The following INPP1 variants were observed in gnomAD, a reference collection of about 807,000 sequenced individuals.
The protein encoded by INPP1 is inositol polyphosphate 1-phosphatase.
Under a neutral mutation model 23.0 loss-of-function variants are expected in INPP1, and 18 were observed. The ratio of observed to expected loss-of-function variants is 0.78; its 90% confidence interval spans 0.54 to 1.16. INPP1 has a LOEUF of 1.16. Among genes scored for constraint, INPP1 ranks in the 50% most tolerant of loss-of-function variants. The pLI is 0.00. For synonymous variants in INPP1, 164 were observed against 176.3 expected, an observed-to-expected ratio of 0.93 and a Z score of 0.55; for missense variants, 448 against 482.1, an observed-to-expected ratio of 0.93 and a Z score of 0.66.
At chr2:190,357,394 A>G (rs868437299) in intron 2 of INPP1, among the ~76,000 whole-genome samples, 1 of 152,228 alleles carries the variant, frequency 6.6e-6, no homozygotes, top group African/African-American at 2.4e-5. Flanking sequence ...AGTTATAACT[A>G]CCATTAAAAC....
Position 190,368,451 on chromosome 2 carries a change from G to A in INPP1, c.467-652G>A, listed in dbSNP as rs866007526. 7.8e-3 allele frequency among the ~76,000 whole-genome samples: 1,193 copies of A among 152,172 alleles called. 18 individuals carry two copies. The highest frequency in any genetic ancestry group is 0.027 in the African/African-American group (1,111 of 41,484). The stretch of plus-strand genomic sequence containing the variant: ...ATATTACCTGTGACCTATTACAGGA[G>A]GGGGGCTTTTCTTTTTTTCTTTTCC... On this transcript the variant is annotated intron_variant, in intron 5 of 6. Coordinates refer to ENST00000392329, the MANE Select transcript of INPP1 (RefSeq NM_001128928.2). This position sits in a 1 kb window ranked among gnomAD's most constrained non-coding sequence, Gnocchi z 4.3.
At position 190,366,797 on chromosome 2, in the gene INPP1, G is replaced by C. The variant is rs531380132; in HGVS notation, c.368G>C (p.Arg123Thr). 20 of 1,613,478 alleles carry C rather than the reference G, an allele frequency of 1.2e-5. No homozygotes were observed. The South Asian group carries it at 1.9e-4, about 15-fold the overall frequency. Residue 123 changes from arginine to threonine, a missense_variant, in exon 5 of 7, where the codon AGG (arginine) becomes ACG (threonine). Coordinates refer to ENST00000392329, the MANE Select transcript of INPP1 (RefSeq NM_001128928.2). ...GNKVASEALA[R>T]VVHQDVAFTD... ...AAGGTGGCATCTGAAGCATTAGCCA[G>C]GGTTGTTCATCAGGATGTTGCCTTT...
At position 190,343,830 on chromosome 2, in the gene INPP1, G is replaced by A. The variant is rs1689161409; in HGVS notation, c.-340G>A. ...CAACCCTCGTCCTCTGGCCGCGCCT[G>A]CGGCCGCACGCCCAGCGCCCCTCGC... On this transcript the variant is annotated 5_prime_UTR_variant, in exon 1 of 7. Coordinates refer to ENST00000392329, the MANE Select transcript of INPP1 (RefSeq NM_001128928.2). 6.2e-6 allele frequency: 1 copy of A among 161,700 alleles called. No homozygotes were observed. The highest frequency in any genetic ancestry group is 2.4e-5 in the African/African-American group (1 of 41,512). The allele number at this position is 161,700 out of a possible 1,614,324, so 10.0% of individuals were successfully genotyped here. A position where few individuals can be genotyped will look rare whatever the true frequency, so the allele number is the denominator to read the frequency against.
intron 2 of INPP1, among the ~76,000 whole-genome samples, chr2:190,349,943 C>G (rs1689295661): frequency 6.6e-6 from 1 of 152,228 alleles, no homozygotes; most frequent in African/African-American, 2.4e-5. Flanking sequence ...CTCCCAGGCT[C>G]AAGTGATTCT....
rs556557743 is a variant in INPP1 at position 190,352,985 on chromosome 2, C to T, written c.-65+3954C>T. Among the ~76,000 whole-genome samples, 7 of 152,206 alleles carry T rather than the reference C, an allele frequency of 4.6e-5. No individual in the cohort carries two copies. The South Asian group carries it at 8.3e-4, about 18-fold the overall frequency. On this transcript the variant is annotated intron_variant, in intron 2 of 6. Coordinates refer to ENST00000392329, the MANE Select transcript of INPP1 (RefSeq NM_001128928.2). The surrounding 1 kb of genome is among the most constrained non-coding windows in gnomAD (Gnocchi z 4.7). ...CCGTGGGGGTGGGGTGGAGTCAATG[C>T]GCAATGGGCAAAAATGTGTACTCTG...
chr2:190,343,962 G>A lies in INPP1; in HGVS notation c.-209+1G>A, dbSNP rs768403710. 7.8e-6 allele frequency: 2 copies of A among 256,268 alleles called. No homozygotes were observed. Among genetic ancestry groups the A allele is most frequent in the Admixed American group, 1.2e-4 (2 of 17,208 alleles). 15.9% of individuals were successfully genotyped at this position (256,268 alleles called of 1,614,324 possible). On this transcript the variant is annotated splice_donor_variant, in intron 1 of 6. Coordinates refer to ENST00000392329, the MANE Select transcript of INPP1 (RefSeq NM_001128928.2). LOFTEE classifies it low-confidence loss of function (5UTR_SPLICE). Reference sequence around the variant, plus strand: ...TGCTCTGTCCTCATCCCCGGCTTAGGTAACACGTTTTCCTCCTTACGACAC... The same window carrying A: ...TGCTCTGTCCTCATCCCCGGCTTAGATAACACGTTTTCCTCCTTACGACAC...
rs1689717477 is a variant in INPP1, at chr2:190,368,035, C to T, written c.467-1068C>T. Among the ~76,000 whole-genome samples, 1 of 152,152 alleles carries T rather than the reference C, an allele frequency of 6.6e-6. No homozygotes were observed. Among genetic ancestry groups the T allele is most frequent in the Non-Finnish European group, 1.5e-5 (1 of 68,040 alleles). On this transcript the variant is annotated intron_variant, in intron 5 of 6. Coordinates refer to ENST00000392329, the MANE Select transcript of INPP1 (RefSeq NM_001128928.2). This position sits in a 1 kb window ranked among gnomAD's most constrained non-coding sequence, Gnocchi z 4.3. Reference sequence around the variant, plus strand: ...CTACAAGTGCATTCACAGGATGATACTGAAATGGGTTTAATCTTCAGATAA... The same window carrying T: ...CTACAAGTGCATTCACAGGATGATATTGAAATGGGTTTAATCTTCAGATAA...
chr2:190,363,647 C>T lies in INPP1; in HGVS notation c.265+960C>T, dbSNP rs1388047241. ...TTAACTCTGAAAATTTTTTAGTCTC[C>T]TTCATGCACCACATATTAAGATGCA... On this transcript the variant is annotated intron_variant, in intron 4 of 6. Coordinates refer to ENST00000392329, the MANE Select transcript of INPP1 (RefSeq NM_001128928.2). This position sits in a 1 kb window ranked among gnomAD's most constrained non-coding sequence, Gnocchi z 4.4. 1.3e-5 allele frequency among the ~76,000 whole-genome samples: 2 copies of T among 152,100 alleles called. No individual in the cohort carries two copies. Among genetic ancestry groups the T allele is most frequent in the African/African-American group, 2.4e-5 (1 of 41,386 alleles).
chr2:190,365,163 A>C (rs746488851), intron 4 of INPP1: 1 of 169,198 alleles, frequency 5.9e-6, no homozygotes, highest in Non-Finnish European at 1.5e-5. Context: ...TCAAGGGTCT[A>C]AGAAGCATGT....
intron 2 of INPP1, among the ~76,000 whole-genome samples, chr2:190,358,378 C>T (rs1025077669): frequency 5.3e-5 from 8 of 151,870 alleles, no homozygotes; most frequent in East Asian, 1.9e-4. Flanking sequence ...CGCCCAGTCC[C>T]GGCTAATTTT....
At chr2:190,358,149 G>A (rs1351990069) in intron 2 of INPP1, among the ~76,000 whole-genome samples, 2 of 144,274 alleles carry the variant, frequency 1.4e-5, no homozygotes, top group Non-Finnish European at 1.5e-5. Context: ...GCGTAATCTC[G>A]GCTCACTGCA....
chr2:190,354,620 G>C lies in INPP1; in HGVS notation c.-64-5419G>C, dbSNP rs1689384473. Among the ~76,000 whole-genome samples the C allele has an allele frequency of 6.6e-6, 1 of 152,234 alleles. No homozygotes were observed. The highest frequency in any genetic ancestry group is 1.5e-5 in the Non-Finnish European group (1 of 68,048). Reference sequence around the variant, plus strand: ...AGGAGCAAAGCCTCAGGAGAAACCAGTCCTGCTGACACCTTGCTCTTGGAC... The same window carrying C: ...AGGAGCAAAGCCTCAGGAGAAACCACTCCTGCTGACACCTTGCTCTTGGAC... On this transcript the variant is annotated intron_variant, in intron 2 of 6. Coordinates refer to ENST00000392329, the MANE Select transcript of INPP1 (RefSeq NM_001128928.2). The surrounding 1 kb of genome is among the most constrained non-coding windows in gnomAD (Gnocchi z 4.8).
In INPP1 at chr2:190,363,818, G is replaced by C. The variant is rs1409726901; in HGVS notation, c.265+1131G>C. 6.6e-6 allele frequency among the ~76,000 whole-genome samples: 1 copy of C among 152,172 alleles called. No homozygotes were observed. The highest frequency in any genetic ancestry group is 1.5e-5 in the Non-Finnish European group (1 of 68,046). On this transcript the variant is annotated intron_variant, in intron 4 of 6. Transcript: ENST00000392329. The surrounding 1 kb of genome is among the most constrained non-coding windows in gnomAD (Gnocchi z 4.4). ...AAACAGCTATTTTAATACATCATTT[G>C]TCTAGAATTATAGAGGCAAAAGGCA...
At chr2:190,350,748 A>G (rs1376629368) in intron 2 of INPP1, among the ~76,000 whole-genome samples, 3 of 152,248 alleles carry the variant, frequency 2.0e-5, no homozygotes, top group Admixed American at 6.5e-5. Context: ...AGGGTTAAAT[A>G]AAAGATTCAC....
At chr2:190,348,154 A>G (rs1200793330) in intron 1 of INPP1, among the ~76,000 whole-genome samples, 1 of 152,182 alleles carries the variant, frequency 6.6e-6, no homozygotes, top group Admixed American at 6.5e-5. Flanking sequence ...AAAACAAAAC[A>G]AAACAAAACA....
Position 190,369,122 on chromosome 2 carries a change from A to T in INPP1, c.486A>T (p.Ile162=), listed in dbSNP as rs1020088597. The change falls in exon 6 of 7, where the codon ATA becomes ATT. Residue 162 remains isoleucine (I), a synonymous_variant. Transcript: ENST00000392329. ...VDPIDSTYQY[I]KGSADIKSNQ... is the part of the protein sequence containing the mutation. ...TTTCAGATTCAACTTATCAGTATATAAAAGGTTCTGCTGACATTAAATCCA... is the reference window on the plus strand; with the variant it reads ...TTTCAGATTCAACTTATCAGTATATTAAAGGTTCTGCTGACATTAAATCCA... 3 of 1,595,980 alleles carry T rather than the reference A, an allele frequency of 1.9e-6. No individual in the cohort carries two copies. In the East Asian group the frequency reaches 6.8e-5, roughly 36 times the overall value.
Position 190,368,249 on chromosome 2 carries a change from G to A in INPP1, c.467-854G>A, listed in dbSNP as rs748521982. ...TCTTTTGCCAGGCACATCCTTAGCC[G>A]TGTGTTGACTCCCTAGACGTCAGCA... On this transcript the variant is annotated intron_variant, in intron 5 of 6. Coordinates refer to ENST00000392329, the MANE Select transcript of INPP1 (RefSeq NM_001128928.2). The surrounding 1 kb of genome is among the most constrained non-coding windows in gnomAD (Gnocchi z 4.3). 3.3e-5 allele frequency among the ~76,000 whole-genome samples: 5 copies of A among 152,140 alleles called. No individual in the cohort carries two copies. The highest frequency in any genetic ancestry group is 1.9e-4 in the East Asian group (1 of 5,186).
At chr2:190,358,064 T>C (rs573682515) in intron 2 of INPP1, among the ~76,000 whole-genome samples, 1 of 146,890 alleles carries the variant, frequency 6.8e-6, no homozygotes, top group African/African-American at 2.6e-5. Context: ...CCAGAGTCCA[T>C]TAAGGGAATT....
Position 190,360,218 on chromosome 2 carries a change from G to T in INPP1, c.116G>T (p.Gly39Val). ...CTGCTGATCGAAGAAAAGAAAGAGG[G>T]AGAAAAGAACAAGAAGTTTGCAGTT... ...FQLLIEEKKE[G>V]EKNKKFAVDF... Residue 39 changes from glycine to valine, a missense_variant, in exon 3 of 7, where the codon GGA becomes GTA. Physicochemically the swap from Gly to Val is moderately radical, Grantham distance 109 (BLOSUM62 -3). Coordinates refer to ENST00000392329, the MANE Select transcript of INPP1 (RefSeq NM_001128928.2). The T allele has an allele frequency of 6.2e-7, 1 of 1,614,174 alleles. No homozygotes were observed. The highest frequency in any genetic ancestry group is 1.3e-5 in the African/African-American group (1 of 75,040).
Sources: allele counts gnomAD v4.1 joint callset (sites outside exome capture counted in the v4.1 genomes callset), GRCh38; gene constraint gnomAD v4.1.1; non-coding constraint Gnocchi (gnomAD v3.1); transcripts MANE v1.5; gene names NCBI Gene and HGNC (gene_info 2026-07-23, HGNC 2026-07-21).